RHOBTB3: variants seen among roughly 807,000 people sequenced by gnomAD.
RHOBTB3 encodes the protein Rho related BTB domain containing 3, also known as rho-related BTB domain-containing protein 3.
A neutral mutation model predicts 67.2 loss-of-function variants in RHOBTB3; 47 were observed. The observed-to-expected ratio is 0.70, with a 90% CI of 0.55 to 0.89. The LOEUF is 0.89. RHOBTB3 is among the 40% of genes least tolerant of loss of function. The probability of loss-of-function intolerance (pLI) is 0.00; values close to 1 mark genes in which losing one functional copy is unlikely to be tolerated. For missense variants in RHOBTB3, 631 were observed against 750.0 expected (o/e 0.84, Z 1.85); for synonymous variants, 273 against 274.2 (o/e 1.00, Z 0.04).
chr5:95,788,792 CTACTT>C lies in RHOBTB3; in HGVS notation c.1655_1659del (p.Leu552ProfsTer6). On this transcript the variant is annotated frameshift_variant, in exon 11 of 12. Coordinates refer to ENST00000379982, the MANE Select transcript of RHOBTB3 (RefSeq NM_014899.4). LOFTEE classifies it high-confidence loss of function. ...CCACTCTGATTGCCTTTCAACCTGG[CTACTT>C]CATTTCATTGCTACTAACTACCTCA... 1 of 1,589,068 alleles carries C rather than the reference CTACTT, an allele frequency of 6.3e-7. No homozygotes were observed. Among genetic ancestry groups the C allele is most frequent in the East Asian group, 2.3e-5 (1 of 43,178 alleles).
intron 8 of RHOBTB3, among the ~76,000 whole-genome samples, chr5:95,771,514 A>G (rs1745712337): frequency 6.6e-6 from 1 of 152,216 alleles, no homozygotes; most frequent in Non-Finnish European, 1.5e-5. Flanking sequence ...CTTGAGATAC[A>G]GAAAAACAAC....
intron 8 of RHOBTB3, chr5:95,780,024 T>G (rs112610674): frequency 6.1e-5 from 28 of 462,364 alleles, no homozygotes; most frequent in African/African-American, 4.8e-4. Context: ...AACAAATTGT[T>G]GTCTTGACTT....
At chr5:95,730,642 C>T (rs369777083), upstream of RHOBTB3, among the ~76,000 whole-genome samples, 52 of 152,268 alleles carry the variant, frequency 3.4e-4, no homozygotes, top group African/African-American at 1.3e-3. Flanking sequence ...ACGTTAAACC[C>T]CCATACATAA....
chr5:95,747,327 C>G (rs1744950851), intron 3 of RHOBTB3, among the ~76,000 whole-genome samples: 1 of 152,212 alleles, frequency 6.6e-6, no homozygotes, highest in Non-Finnish European at 1.5e-5. Flanking sequence ...TCTACCCAGT[C>G]CCGCATTCCT....
At chr5:95,718,748 G>A (rs1478586756) in intron 1 of RHOBTB3, among the ~76,000 whole-genome samples, 1 of 152,202 alleles carries the variant, frequency 6.6e-6, no homozygotes, top group Admixed American at 6.5e-5. Context: ...AAAAGCAATA[G>A]AATGGGGCTA....
chr5:95,781,853 A>G (rs1276061621), intron 9 of RHOBTB3: 1 of 57,152 alleles, frequency 1.7e-5, no homozygotes, highest in East Asian at 2.5e-4. Flanking sequence ...CCGTCTCAAA[A>G]AAAGACTTAG....
At chr5:95,734,122 A>G (rs1755388579) in intron 2 of RHOBTB3, among the ~76,000 whole-genome samples, 1 of 152,214 alleles carries the variant, frequency 6.6e-6, no homozygotes, top group Non-Finnish European at 1.5e-5. Context: ...AAAGTGTTAC[A>G]ACTTTAGTTA....
intron 3 of RHOBTB3, among the ~76,000 whole-genome samples, chr5:95,744,786 T>C (rs1755705087): frequency 6.6e-6 from 1 of 152,030 alleles, no homozygotes; most frequent in Non-Finnish European, 1.5e-5. Context: ...TAAATAGAGA[T>C]GGGGCTGGCC....
intron 6 of RHOBTB3, chr5:95,756,107 A>G (rs956694704): frequency 5.1e-6 from 1 of 195,578 alleles, no homozygotes; most frequent in African/African-American, 2.4e-5. Flanking sequence ...CGTGTCCATA[A>G]TTCTTTGCAT....
At chr5:95,784,960 C>T (rs1746177948) in intron 10 of RHOBTB3, among the ~76,000 whole-genome samples, 1 of 152,236 alleles carries the variant, frequency 6.6e-6, no homozygotes, top group East Asian at 1.9e-4. Flanking sequence ...TGTTCAATCA[C>T]TACAGAGTGT....
Position 95,793,845 on chromosome 5 carries a change from C to T in RHOBTB3, c.*671C>T, listed in dbSNP as rs2112846479. On this transcript the variant is annotated 3_prime_UTR_variant, in exon 12 of 12. Coordinates refer to ENST00000379982, the MANE Select transcript of RHOBTB3 (RefSeq NM_014899.4). Reference sequence around the variant, plus strand: ...AACTTGTGTAGCAGCACAGGGCCCACACTTAGAAGGACCCCACACTTGGTT... The same window carrying T: ...AACTTGTGTAGCAGCACAGGGCCCATACTTAGAAGGACCCCACACTTGGTT... The T allele has an allele frequency of 2.7e-6, 1 of 374,394 alleles. No individual in the cohort carries two copies. The highest frequency in any genetic ancestry group is 7.2e-5 in the East Asian group (1 of 13,812). 23.2% of individuals were successfully genotyped at this position (374,394 alleles called of 1,614,324 possible). A position where few individuals can be genotyped will look rare whatever the true frequency, so the allele number is the denominator to read the frequency against.
At position 95,731,636 on chromosome 5, in the gene RHOBTB3, G is replaced by A. The variant is rs1299678215; in HGVS notation, c.-47G>A. 9 of 1,611,900 alleles carry A rather than the reference G, an allele frequency of 5.6e-6. No individual in the cohort carries two copies. The highest frequency in any genetic ancestry group is 2.2e-5 in the East Asian group (1 of 44,794). On this transcript the variant is annotated 5_prime_UTR_variant, in exon 1 of 12. Coordinates refer to ENST00000379982, the MANE Select transcript of RHOBTB3 (RefSeq NM_014899.4). ...GCCCGGGGGCCCCGCGAAGCCGTGA[G>A]CCGCTGCTTTTCTCCGAGTCGCCGC...
chr5:95,731,672 G>A lies in RHOBTB3; in HGVS notation c.-11G>A, dbSNP rs772117454. 5 of 1,613,346 alleles carry A rather than the reference G, an allele frequency of 3.1e-6. No individual in the cohort carries two copies. The East Asian group carries it at 6.7e-5, about 22-fold the overall frequency. ...TCTCCGAGTCGCCGCCCTGCCCTTG[G>A]ATTTGAGATCATGTACGTACGCGCC... On this transcript the variant is annotated 5_prime_UTR_variant, in exon 1 of 12. Coordinates refer to ENST00000379982, the MANE Select transcript of RHOBTB3 (RefSeq NM_014899.4).
At chr5:95,790,656 T>G (rs1321223404) in intron 11 of RHOBTB3, among the ~76,000 whole-genome samples, 1 of 152,172 alleles carries the variant, frequency 6.6e-6, no homozygotes, top group Non-Finnish European at 1.5e-5. Context: ...TGATGGGAAT[T>G]AAAAGGGAAT....
intron 1 of RHOBTB3, among the ~76,000 whole-genome samples, chr5:95,723,536 G>A (rs900466384): frequency 1.3e-5 from 2 of 152,102 alleles, no homozygotes; most frequent in Non-Finnish European, 2.9e-5. Flanking sequence ...GCAAACTCTT[G>A]TTGTTTTTTG....
chr5:95,788,727 G>A (rs1746293445), intron 10 of RHOBTB3, 35 bp from the exon 11 acceptor site: 1 of 1,379,770 alleles, frequency 7.2e-7, no homozygotes, highest in African/African-American at 1.5e-5. Flanking sequence ...TGGCCATTAT[G>A]TGCAATATTA....
At chr5:95,759,284 T>G (rs1339259141) in intron 6 of RHOBTB3, among the ~76,000 whole-genome samples, 1 of 152,236 alleles carries the variant, frequency 6.6e-6, no homozygotes, top group Non-Finnish European at 1.5e-5. Flanking sequence ...GCACGGGCCA[T>G]TGACCCGGGG....
chr5:95,727,673 C>G (rs255379), upstream of RHOBTB3, among the ~76,000 whole-genome samples: 61,426 of 151,902 alleles, frequency 0.4, 12,977 homozygotes, highest in East Asian at 0.73. Context: ...ATGAGAGAAA[C>G]TGCAAATACA....
intron 6 of RHOBTB3, among the ~76,000 whole-genome samples, chr5:95,757,175 T>C (rs1745271876): frequency 6.6e-6 from 1 of 152,210 alleles, no homozygotes; most frequent in African/African-American, 2.4e-5. Context: ...CTTTGCCCTT[T>C]TAAAAACTCA....
Sources: allele counts gnomAD v4.1 joint callset (sites outside exome capture counted in the v4.1 genomes callset), GRCh38; gene constraint gnomAD v4.1.1; transcripts MANE v1.5; gene names NCBI Gene and HGNC (gene_info 2026-07-23, HGNC 2026-07-21).